The following GPHN variants were observed in gnomAD, a reference collection of about 807,000 sequenced individuals.
The protein encoded by GPHN is gephyrin.
In GPHN, 17 loss-of-function variants were observed where a neutral mutation model predicts 95.5. The observed-to-expected ratio is 0.18, with a 90% CI of 0.12 to 0.27. The LOEUF (loss-of-function observed/expected upper bound fraction) is 0.27, where lower values mean the gene tolerates loss of function less well. Among genes scored for constraint, GPHN ranks in the 10% least tolerant of loss-of-function variants. The probability of loss-of-function intolerance (pLI) is 1.00; values close to 1 mark genes in which losing one functional copy is unlikely to be tolerated. For synonymous variants in GPHN, 320 were observed against 322.5 expected (o/e 0.99, Z 0.08); for missense variants, 660 against 978.1 (o/e 0.67, Z 4.34).
chr14:66,786,807 A>G (rs771117601), intron 3 of GPHN, among the ~76,000 whole-genome samples: 2 of 152,128 alleles, frequency 1.3e-5, no homozygotes, highest in Admixed American at 1.3e-4. Flanking sequence ...CAAAAATAGC[A>G]TCTGACAAAA....
At chr14:67,017,901 T>C (rs770881355) in intron 9 of GPHN, among the ~76,000 whole-genome samples, 34 of 152,214 alleles carry the variant, frequency 2.2e-4, no homozygotes, top group Non-Finnish European at 4.3e-4. Context: ...ATCATACTTA[T>C]ACTATTAAAA....
At chr14:66,716,794 A>G (rs768706897) in intron 2 of GPHN, among the ~76,000 whole-genome samples, 2 of 152,188 alleles carry the variant, frequency 1.3e-5, no homozygotes, top group South Asian at 2.1e-4. Context: ...AGTGGATACA[A>G]ACTTCTTGGC....
chr14:66,792,521 A>G (rs1192016069), intron 3 of GPHN, among the ~76,000 whole-genome samples: 2 of 152,100 alleles, frequency 1.3e-5, no homozygotes, highest in Admixed American at 1.3e-4. Context: ...ACCAAGGAAT[A>G]CTATTTTTAA....
intron 1 of GPHN, among the ~76,000 whole-genome samples, chr14:66,520,000 A>T (rs535445642): frequency 6.6e-6 from 1 of 152,148 alleles, no homozygotes; most frequent in South Asian, 2.1e-4. Flanking sequence ...TAACTACTAC[A>T]TGATACTCCT....
chr14:67,279,555 T>C, the GPHN span: 7 of 1,508,596 alleles, frequency 4.6e-6, no homozygotes, highest in East Asian at 1.6e-4. Flanking sequence ...AAAATAGAGG[T>C]ATAACAGAAA....
the GPHN span, chr14:67,321,202 T>C: frequency 6.2e-7 from 1 of 1,614,230 alleles, no homozygotes; most frequent in Non-Finnish European, 8.5e-7. Flanking sequence ...CTAGCATAGA[T>C]TCTGTACGGC....
At chr14:67,636,187 T>C in the GPHN span, among the ~76,000 whole-genome samples, 1,372 of 151,820 alleles carry the variant, frequency 9.0e-3, 66 homozygotes, top group Admixed American at 0.076. Flanking sequence ...GAAACCCATC[T>C]CTCTTGACTT....
chr14:67,078,581 C>T (rs920236510), intron 11 of GPHN, among the ~76,000 whole-genome samples: 11 of 152,212 alleles, frequency 7.2e-5, no homozygotes, highest in East Asian at 3.9e-4. Context: ...AGTATCTGTA[C>T]GAATGCAAGA....
At chr14:67,517,054 A>G in the GPHN span, among the ~76,000 whole-genome samples, 1 of 152,212 alleles carries the variant, frequency 6.6e-6, no homozygotes, top group Non-Finnish European at 1.5e-5. Flanking sequence ...TGCTGGAGAT[A>G]GGTCAGGGAA....
chr14:66,534,401 T>G (rs1265451043), intron 1 of GPHN, among the ~76,000 whole-genome samples: 2 of 152,194 alleles, frequency 1.3e-5, no homozygotes, highest in Non-Finnish European at 2.9e-5. Context: ...TTCTTTCGTT[T>G]ATTATGGTTA....
At chr14:67,260,620 G>A in the GPHN span, among the ~76,000 whole-genome samples, 1 of 151,996 alleles carries the variant, frequency 6.6e-6, no homozygotes, top group African/African-American at 2.4e-5. Flanking sequence ...TGATGGAAGA[G>A]GAAAATCTTA....
intron 1 of GPHN, among the ~76,000 whole-genome samples, chr14:66,576,921 G>C (rs530330643): frequency 6.6e-6 from 1 of 152,148 alleles, no homozygotes; most frequent in African/African-American, 2.4e-5. Flanking sequence ...CCCCTATTCT[G>C]ATATTTAAGG....
At chr14:67,692,864 G>C in the GPHN span, 1 of 1,127,578 alleles carries the variant, frequency 8.9e-7, no homozygotes, top group East Asian at 2.4e-5. Flanking sequence ...GAAACAATGA[G>C]AATGAATCAT....
intron 1 of GPHN, among the ~76,000 whole-genome samples, chr14:66,552,731 A>G (rs776288073): frequency 6.6e-6 from 1 of 152,148 alleles, no homozygotes; most frequent in African/African-American, 2.4e-5. Context: ...CCCCCCAAGT[A>G]CTTTAAAGAT....
intron 2 of GPHN, among the ~76,000 whole-genome samples, chr14:66,719,559 T>A (rs905220816): frequency 2.0e-5 from 3 of 152,134 alleles, no homozygotes; most frequent in African/African-American, 7.2e-5. Flanking sequence ...TTTCCTGATT[T>A]ATTCCTGCAG....
At chr14:66,978,817 A>G (rs1471040498) in intron 9 of GPHN, among the ~76,000 whole-genome samples, 5 of 152,356 alleles carry the variant, frequency 3.3e-5, no homozygotes, top group African/African-American at 9.6e-5. Flanking sequence ...GAATTACTAT[A>G]TGGCAACTGT....
chr14:67,368,192 G>C, the GPHN span, among the ~76,000 whole-genome samples: 16 of 152,304 alleles, frequency 1.1e-4, no homozygotes, highest in East Asian at 2.1e-3. Context: ...TGCAGGAAAA[G>C]CAAGGCAGAG....
intron 2 of GPHN, among the ~76,000 whole-genome samples, chr14:66,750,705 A>C (rs552029967): frequency 3.8e-4 from 58 of 151,974 alleles, no homozygotes; most frequent in Non-Finnish European, 6.3e-4. Context: ...TATTTTATCA[A>C]TGCTGAAAAT....
chr14:66,843,218 A>G (rs1359496316), intron 4 of GPHN, among the ~76,000 whole-genome samples: 2 of 152,214 alleles, frequency 1.3e-5, no homozygotes, highest in Middle Eastern at 6.8e-3. Flanking sequence ...TCCGTCAGCA[A>G]ATGGCCTGGT....
Sources: allele counts gnomAD v4.1 joint callset (sites outside exome capture counted in the v4.1 genomes callset), GRCh38; gene constraint gnomAD v4.1.1; transcripts MANE v1.5; gene names NCBI Gene and HGNC (gene_info 2026-07-23, HGNC 2026-07-21).